BCOR: variants seen among roughly 807,000 people sequenced by gnomAD.
The protein encoded by BCOR is BCL6 corepressor.
A neutral mutation model predicts 86.7 loss-of-function variants in BCOR; 10 were observed. That is an observed-to-expected ratio of 0.12 (90% CI 0.07 to 0.20). The LOEUF (loss-of-function observed/expected upper bound fraction) is 0.20. Ranked by LOEUF, BCOR falls within the 10% of genes least tolerant of loss-of-function variation. The probability of loss-of-function intolerance (pLI) is 1.00; values close to 1 mark genes in which losing one functional copy is unlikely to be tolerated. For missense variants in BCOR, 1,259 were observed against 1,452.1 expected (o/e 0.87, Z 2.16); for synonymous variants, 611 against 609.0 (o/e 1.00, Z -0.05).
intron 1 of BCOR, among the ~76,000 whole-genome samples, chrX:40,151,810 G>A (rs1198807810): frequency 2.7e-5 from 3 of 112,672 alleles, no homozygotes; most frequent in African/African-American, 9.7e-5. Context: ...TGTCCCGGGC[G>A]AGCAGGCAGG....
At position 40,075,067 on chromosome X, in the gene BCOR, C is replaced by T. The variant is rs1164134835; in HGVS notation, c.279G>A (p.Leu93=). The part of the protein sequence containing the change: ...RVPGNIVYSS[L]CGLGSEKGRE... Reference sequence around the variant, plus strand: ...GACCTTTCTCTGAGCCCAGTCCACACAAGCTAGAATAGACGATGTTTCCCG... The same window carrying T: ...GACCTTTCTCTGAGCCCAGTCCACATAAGCTAGAATAGACGATGTTTCCCG... Residue 93 remains leucine, a synonymous_variant, in exon 4 of 15, where the codon TTG becomes TTA. Coordinates refer to ENST00000378444, the MANE Select transcript of BCOR (RefSeq NM_001123385.2). 8.3e-7 allele frequency: 1 copy of T among 1,206,666 alleles called. No homozygotes were observed. The highest frequency in any genetic ancestry group is 1.1e-6 in the Non-Finnish European group (1 of 892,351).
At chrX:40,103,835 G>A (rs995661047) in intron 1 of BCOR, among the ~76,000 whole-genome samples, 3 of 111,690 alleles carry the variant, frequency 2.7e-5, no homozygotes, top group Non-Finnish European at 5.7e-5. Flanking sequence ...CGCTAAGCTG[G>A]GGCAAAGCGG....
At chrX:40,079,731 T>TGG (rs1935988831) in intron 1 of BCOR, among the ~76,000 whole-genome samples, 1 of 111,363 alleles carries the variant, frequency 9.0e-6, no homozygotes, top group South Asian at 3.9e-4. Flanking sequence ...ACTCGGCTGT[T>TGG]GGGGAAGGTT....
At chrX:40,101,794 G>A (rs1055987145), upstream of BCOR, among the ~76,000 whole-genome samples, 5 of 112,848 alleles carry the variant, frequency 4.4e-5, no homozygotes, top group Non-Finnish European at 9.4e-5. Flanking sequence ...TAACGTATGT[G>A]TAGGCTTCCG....
chrX:40,108,646 C>G (rs1411585312), intron 1 of BCOR, among the ~76,000 whole-genome samples: 1 of 113,454 alleles, frequency 8.8e-6, no homozygotes, highest in Non-Finnish European at 1.9e-5. Flanking sequence ...ACAGCGCTGC[C>G]CCTGGGAGAG....
At position 40,076,504 on chromosome X, in the gene BCOR, A is replaced by G. The variant is rs897050600; in HGVS notation, c.115T>C (p.Ser39Pro). The change falls in exon 3 of 15, where the codon TCA (serine) becomes CCA (proline). Residue 39 changes from serine (S) to proline (P), a missense_variant. Ser to Pro is a moderately conservative substitution (Grantham distance 74). Coordinates refer to ENST00000378444, the MANE Select transcript of BCOR (RefSeq NM_001123385.2). ...TCCCTCAGTTCCAGTCTGGCTTTTG[A>G]AGCGTCACCATCATTTACAAGGATT... ...RKILVNDGDA[S>P]KARLELREEN... The G allele has an allele frequency of 1.7e-6, 2 of 1,206,468 alleles. No homozygotes were observed. Among genetic ancestry groups the G allele is most frequent in the South Asian group, 3.5e-5 (2 of 56,851 alleles).
intron 1 of BCOR, among the ~76,000 whole-genome samples, chrX:40,093,623 A>G (rs1936715393): frequency 1.8e-5 from 2 of 112,233 alleles, no homozygotes; most frequent in African/African-American, 6.5e-5. Flanking sequence ...CTCCTTGCAC[A>G]TATCTAACTC....
At chrX:40,146,064 C>T (rs1417055306) in intron 1 of BCOR, among the ~76,000 whole-genome samples, 1 of 112,409 alleles carries the variant, frequency 8.9e-6, no homozygotes, top group Non-Finnish European at 1.9e-5. Context: ...GAACAATTCC[C>T]CACCCTGCAA....
At chrX:40,117,960 TTCTCTCTC>T (rs747544385) in intron 1 of BCOR, among the ~76,000 whole-genome samples, 1 of 94,448 alleles carries the variant, frequency 1.1e-5, no homozygotes, top group Non-Finnish European at 2.0e-5. Context: ...CTCGCACTCT[TTCTCTCTC>T]TCTCTCTCTC....
At chrX:40,171,887 T>G (rs755562046) in intron 1 of BCOR, among the ~76,000 whole-genome samples, 7 of 112,834 alleles carry the variant, frequency 6.2e-5, no homozygotes, top group African/African-American at 2.2e-4. Context: ...TGTTCTGCCT[T>G]AAGGCGCGCG....
intron 1 of BCOR, among the ~76,000 whole-genome samples, chrX:40,175,849 C>G (rs1422006324): frequency 8.8e-6 from 1 of 113,056 alleles, no homozygotes; most frequent in African/African-American, 3.2e-5. Context: ...GGAAACTTTG[C>G]AAGAAGACTG....
chrX:40,090,211 TG>T (rs1449019932), intron 1 of BCOR, among the ~76,000 whole-genome samples: 1 of 112,712 alleles, frequency 8.9e-6, no homozygotes, highest in Non-Finnish European at 1.9e-5. Context: ...AAGCTCCGGA[TG>T]TGCGAAATGG....
chrX:40,062,019 G>A (rs1036806782), intron 10 of BCOR, 120 bp downstream of exon 10: 17 of 932,485 alleles, frequency 1.8e-5, no homozygotes, highest in Admixed American at 8.0e-5. Flanking sequence ...TTGGAGCACC[G>A]GCCCAGCCCC....
chrX:40,081,500 T>C (rs1253380225), intron 1 of BCOR, among the ~76,000 whole-genome samples: 1 of 112,624 alleles, frequency 8.9e-6, no homozygotes, highest in East Asian at 2.8e-4. Context: ...AGCGGAACAC[T>C]GTGGAGAGGG....
intron 1 of BCOR, among the ~76,000 whole-genome samples, chrX:40,085,785 C>A (rs1936330633): frequency 8.9e-6 from 1 of 111,750 alleles, no homozygotes; most frequent in Non-Finnish European, 1.9e-5. Flanking sequence ...TGCCCCAGGA[C>A]GGTCCAGAGG....
intron 1 of BCOR, among the ~76,000 whole-genome samples, chrX:40,106,019 C>T (rs984259577): frequency 3.5e-5 from 4 of 112,686 alleles, no homozygotes; most frequent in Non-Finnish European, 7.5e-5. Context: ...TAGGTCATGG[C>T]GGCACCGGTA....
chrX:40,068,335 T>A (rs146256124), intron 6 of BCOR, among the ~76,000 whole-genome samples: 8 of 112,020 alleles, frequency 7.1e-5, no homozygotes, highest in African/African-American at 2.3e-4. Context: ...AGGCCAACCA[T>A]GTTATAACTT....
intron 1 of BCOR, among the ~76,000 whole-genome samples, chrX:40,154,349 G>A (rs920944443): frequency 9.0e-6 from 1 of 110,845 alleles, no homozygotes. Context: ...AGATGTGAGC[G>A]CTTGATGTGC....
chrX:40,119,585 G>A lies in BCOR; in HGVS notation c.-40-41616C>T, dbSNP rs142110216. Among the ~76,000 whole-genome samples, 708 of 110,653 alleles carry A rather than the reference G, an allele frequency of 6.4e-3. 5 individuals carry two copies. Among genetic ancestry groups the A allele is most frequent in the African/African-American group, 0.023 (685 of 30,386 alleles). On this transcript the variant is annotated intron_variant, in intron 1 of 14. Coordinates refer to the BCOR transcript ENST00000342274. ...ACTCAGGAGGCTGAGGCCGCAGTGA[G>A]CTGTGATCACAGCACTGCACTCCAG...
Sources: allele counts gnomAD v4.1 joint callset (sites outside exome capture counted in the v4.1 genomes callset), GRCh38; gene constraint gnomAD v4.1.1; transcripts MANE v1.5; gene names NCBI Gene and HGNC (gene_info 2026-07-23, HGNC 2026-07-21).